The following CSMD1 variants were observed in gnomAD, a reference collection of about 807,000 sequenced individuals.
The protein encoded by CSMD1 is CUB and Sushi multiple domains 1, also known as CUB and sushi domain-containing protein 1.
In CSMD1, 213 loss-of-function variants were observed where a neutral mutation model predicts 417.5. The observed-to-expected ratio is 0.51, with a 90% confidence interval of 0.46 to 0.57. CSMD1 has a LOEUF of 0.57. Ranked by LOEUF, CSMD1 falls within the 20% of genes least tolerant of loss-of-function variation. The probability of loss-of-function intolerance (pLI) is 0.00; values close to 1 mark genes in which losing one functional copy is unlikely to be tolerated. For missense variants in CSMD1, 6,923 were observed against 4,529.7 expected, an observed-to-expected ratio of 1.53 and a Z score of -15.17; for synonymous variants, 2,862 against 1,736.8, an observed-to-expected ratio of 1.65 and a Z score of -16.11.
At chr8:3,944,579 T>G (rs995003837) in intron 5 of CSMD1, among the ~76,000 whole-genome samples, 1 of 152,168 alleles carries the variant, frequency 6.6e-6, no homozygotes, top group Non-Finnish European at 1.5e-5. Flanking sequence ...ACTTTAAAAA[T>G]ACTTATCATG....
chr8:4,694,012 C>A (rs760120258), intron 1 of CSMD1, among the ~76,000 whole-genome samples: 1 of 152,208 alleles, frequency 6.6e-6, no homozygotes, highest in Non-Finnish European at 1.5e-5. Flanking sequence ...ACCCCCAAAT[C>A]ACTAAGCCAA....
chr8:4,224,125 C>G (rs558665714), intron 3 of CSMD1, among the ~76,000 whole-genome samples: 1 of 152,114 alleles, frequency 6.6e-6, no homozygotes, highest in African/African-American at 2.4e-5. Flanking sequence ...CTGAACATAC[C>G]ATGAGGACAC....
intron 2 of CSMD1, among the ~76,000 whole-genome samples, chr8:4,586,626 G>A (rs1052246313): frequency 6.6e-6 from 1 of 152,014 alleles, no homozygotes; most frequent in African/African-American, 2.4e-5. Flanking sequence ...TTCCCTCTCA[G>A]TAATTTATAT....
chr8:4,417,782 C>T (rs1797026881), intron 3 of CSMD1, among the ~76,000 whole-genome samples: 1 of 152,036 alleles, frequency 6.6e-6, no homozygotes, highest in Admixed American at 6.5e-5. Context: ...ATTAATTCTA[C>T]TTCATATACA....
chr8:3,221,071 T>C lies in CSMD1; in HGVS notation c.4485-1629A>G, dbSNP rs1045148157. 3.3e-5 allele frequency among the ~76,000 whole-genome samples: 5 copies of C among 152,160 alleles called. No homozygotes were observed. In the South Asian group the frequency reaches 6.2e-4, roughly 19 times the overall value. ...TTTGTAATCACTAAAATGTTCTAGG[T>C]GGCTCCACTTGATCTGGAGATTCGG... On this transcript the variant is annotated intron_variant, in intron 28 of 69. Coordinates refer to ENST00000635120, the MANE Select transcript of CSMD1 (RefSeq NM_033225.6).
intron 5 of CSMD1, among the ~76,000 whole-genome samples, chr8:3,754,694 A>T (rs1323969235): frequency 6.6e-6 from 1 of 152,186 alleles, no homozygotes; most frequent in Non-Finnish European, 1.5e-5. Flanking sequence ...ACCTCAGGTG[A>T]TCTGCCTGCC....
At chr8:3,180,436 G>A (rs1304731683) in intron 37 of CSMD1, among the ~76,000 whole-genome samples, 3 of 152,170 alleles carry the variant, frequency 2.0e-5, no homozygotes, top group African/African-American at 7.2e-5. Context: ...CTAGGCAGAA[G>A]TCAGGATTGT....
At chr8:3,580,578 A>G (rs780294976) in intron 9 of CSMD1, among the ~76,000 whole-genome samples, 1 of 152,220 alleles carries the variant, frequency 6.6e-6, no homozygotes, top group Non-Finnish European at 1.5e-5. Context: ...ATAACTTAGT[A>G]AAAATAATAA....
At chr8:4,414,850 T>C (rs915777735) in intron 3 of CSMD1, among the ~76,000 whole-genome samples, 21 of 152,168 alleles carry the variant, frequency 1.4e-4, no homozygotes, top group African/African-American at 4.6e-4. Flanking sequence ...CAAAGAGTAA[T>C]GGCCAGAGAG....
chr8:3,666,587 T>A (rs925338395), intron 7 of CSMD1, among the ~76,000 whole-genome samples: 1 of 152,274 alleles, frequency 6.6e-6, no homozygotes, highest in East Asian at 1.9e-4. Context: ...TCTTGAATTG[T>A]AGCTCCCATA....
intron 3 of CSMD1, among the ~76,000 whole-genome samples, chr8:4,292,862 G>A (rs758149620): frequency 8.5e-5 from 13 of 152,232 alleles, no homozygotes; most frequent in South Asian, 2.1e-4. Flanking sequence ...AATATTTAAT[G>A]GGTTAATTTA....
intron 12 of CSMD1, among the ~76,000 whole-genome samples, chr8:3,446,067 T>G (rs1266164430): frequency 2.0e-5 from 3 of 152,084 alleles, no homozygotes; most frequent in South Asian, 4.1e-4. Flanking sequence ...GTGAACAGTC[T>G]GGAAAGATAA....
chr8:3,432,899 A>G (rs1162063657), intron 12 of CSMD1, among the ~76,000 whole-genome samples: 1 of 152,210 alleles, frequency 6.6e-6, no homozygotes, highest in Non-Finnish European at 1.5e-5. Context: ...AAACACACAG[A>G]CACACACAGT....
At chr8:4,116,910 A>T (rs1802185352) in intron 3 of CSMD1, among the ~76,000 whole-genome samples, 1 of 152,164 alleles carries the variant, frequency 6.6e-6, no homozygotes. Flanking sequence ...AAAGTGAGGT[A>T]CTCGAAATGT....
At chr8:4,240,972 T>G (rs1802365677) in intron 3 of CSMD1, among the ~76,000 whole-genome samples, 1 of 152,218 alleles carries the variant, frequency 6.6e-6, no homozygotes, top group Non-Finnish European at 1.5e-5. Flanking sequence ...ACCCTTTAAG[T>G]CTGTTCAATT....
intron 3 of CSMD1, among the ~76,000 whole-genome samples, chr8:4,035,828 C>T (rs1423281899): frequency 1.3e-5 from 2 of 152,096 alleles, no homozygotes; most frequent in Non-Finnish European, 2.9e-5. Context: ...TTAGTGTACT[C>T]TAAGTGTACA....
chr8:4,326,173 C>T (rs1259188177), intron 3 of CSMD1, among the ~76,000 whole-genome samples: 1 of 152,140 alleles, frequency 6.6e-6, no homozygotes, highest in Non-Finnish European at 1.5e-5. Context: ...ATTTGGCTTT[C>T]TAACAAGCTC....
chr8:3,908,528 T>A (rs1330843450), intron 5 of CSMD1, among the ~76,000 whole-genome samples: 2 of 151,946 alleles, frequency 1.3e-5, no homozygotes, highest in African/African-American at 4.8e-5. Context: ...ACAAAAAAAC[T>A]CCTAACCTAA....
In CSMD1 at chr8:4,419,324, A is replaced by G. The variant is rs191814615; in HGVS notation, c.415+629T>C. Among the ~76,000 whole-genome samples, 240 of 152,320 alleles carry G rather than the reference A, an allele frequency of 1.6e-3. 1 individual carries two copies. Among genetic ancestry groups the G allele is most frequent in the African/African-American group, 5.4e-3 (224 of 41,578 alleles). On this transcript the variant is annotated intron_variant, in intron 3 of 69. Transcript: ENST00000635120. The stretch of plus-strand genomic sequence containing the variant: ...AAAGTATTAACTAGTTCAATTTCTT[A>G]AAACCTAATACTTGAAATGATAATT...
Sources: allele counts gnomAD v4.1 joint callset (sites outside exome capture counted in the v4.1 genomes callset), GRCh38; gene constraint gnomAD v4.1.1; transcripts MANE v1.5; gene names NCBI Gene and HGNC (gene_info 2026-07-23, HGNC 2026-07-21).